ZNF81: variants seen among roughly 807,000 people sequenced by gnomAD.
ZNF81 encodes zinc finger protein 81 (HFZ20).
Under a neutral mutation model 32.3 loss-of-function variants are expected in ZNF81, and 5 were observed. The ratio of observed to expected loss-of-function variants is 0.15; its 90% CI spans 0.08 to 0.33. The LOEUF (loss-of-function observed/expected upper bound fraction) is 0.33. Ranked by LOEUF, ZNF81 falls within the 10% of genes least tolerant of loss-of-function variation. ZNF81 has a pLI of 1.00. For synonymous variants in ZNF81, 163 were observed against 166.8 expected, an observed-to-expected ratio of 0.98 and a Z score of 0.17; for missense variants, 379 against 479.8, an observed-to-expected ratio of 0.79 and a Z score of 1.96.
rs1169956022 is a variant in ZNF81 at position 47,917,057 on chromosome X, G to A, written c.*425G>A. On this transcript the variant is annotated 3_prime_UTR_variant, in exon 5 of 5. Transcript: ENST00000338637. The stretch of plus-strand genomic sequence containing the variant: ...GGTAGTGCAGCAAAATAATATAACT[G>A]GTGAGTAGACCTACTTTCAGTTCCA... The A allele has an allele frequency of 3.5e-6, 1 of 283,300 alleles. No homozygotes were observed. Among genetic ancestry groups the A allele is most frequent in the East Asian group, 4.9e-5 (1 of 20,229 alleles). 23.3% of individuals were successfully genotyped at this position (283,300 alleles called of 1,213,427 possible). A position where few individuals can be genotyped will look rare whatever the true frequency, so the allele number is the denominator to read the frequency against.
intron 2 of ZNF81, among the ~76,000 whole-genome samples, chrX:47,870,415 T>C (rs968596382): frequency 8.9e-6 from 1 of 112,456 alleles, no homozygotes; most frequent in Non-Finnish European, 1.9e-5. Flanking sequence ...TTTTAGACTT[T>C]GATTCATTTG....
intron 4 of ZNF81, among the ~76,000 whole-genome samples, chrX:47,907,757 T>C (rs782000438): frequency 8.9e-6 from 1 of 111,946 alleles, no homozygotes; most frequent in Admixed American, 9.5e-5. Context: ...TAAGAAAATA[T>C]TATGACCAAC....
At chrX:47,840,507 T>C (rs782421309) in intron 1 of ZNF81, among the ~76,000 whole-genome samples, 6 of 108,099 alleles carry the variant, frequency 5.6e-5, no homozygotes, top group South Asian at 8.2e-4. Context: ...CTTTTTCTTT[T>C]TTTTTTTTTT....
intron 1 of ZNF81, among the ~76,000 whole-genome samples, chrX:47,845,095 G>A (rs1360916220): frequency 2.7e-5 from 3 of 111,920 alleles, no homozygotes; most frequent in Non-Finnish European, 5.6e-5. Context: ...TTTCCCTCTT[G>A]TTTTGGTATA....
intron 1 of ZNF81, among the ~76,000 whole-genome samples, chrX:47,839,184 A>G (rs2058436889): frequency 8.9e-6 from 1 of 111,850 alleles, no homozygotes; most frequent in Admixed American, 9.5e-5. Context: ...TAGAATAAGT[A>G]CTAATTTTTA....
rs782531126 is a variant in ZNF81 at position 47,922,164 on chromosome X, A to G, written c.*5532A>G. 5 of 112,119 alleles carry G rather than the reference A, an allele frequency of 4.5e-5. No individual in the cohort carries two copies. The highest frequency in any genetic ancestry group is 1.6e-4 in the African/African-American group (5 of 30,888). The allele number at this position is 112,119 out of a possible 1,213,427, so 9.2% of individuals were successfully genotyped here. A position where few individuals can be genotyped will look rare whatever the true frequency, so the allele number is the denominator to read the frequency against. On this transcript the variant is annotated 3_prime_UTR_variant, in exon 5 of 5. Coordinates refer to ENST00000338637, the MANE Select transcript of ZNF81 (RefSeq NM_007137.5). ...TATTTATTGCATTTCTTCCTCCACT[A>G]TTCTTCTCTAACAGATGACCAATAC...
At chrX:47,882,528 G>A (rs2058625170) in intron 2 of ZNF81, among the ~76,000 whole-genome samples, 2 of 112,521 alleles carry the variant, frequency 1.8e-5, no homozygotes, top group Non-Finnish European at 3.7e-5. Flanking sequence ...ACATTCATGT[G>A]TTGATGAACA....
intron 2 of ZNF81, among the ~76,000 whole-genome samples, chrX:47,872,914 G>A (rs2058585784): frequency 9.0e-6 from 1 of 111,387 alleles, no homozygotes; most frequent in African/African-American, 3.3e-5. Context: ...AATTAAACCA[G>A]TATCATTATT....
At position 47,917,216 on chromosome X, in the gene ZNF81, A is replaced by G; in HGVS notation, c.*584A>G. 3.4e-6 allele frequency: 1 copy of G among 296,336 alleles called. No individual in the cohort carries two copies. The highest frequency in any genetic ancestry group is 5.9e-6 in the Non-Finnish European group (1 of 169,408). 24.4% of individuals were successfully genotyped at this position (296,336 alleles called of 1,213,427 possible). ...AATATGTTTCTTATTGAATATTTCT[A>G]TCAAGTGAATCCACAATTTAAAAGT... On this transcript the variant is annotated 3_prime_UTR_variant, in exon 5 of 5. Transcript: ENST00000338637.
chrX:47,856,671 G>A (rs782376350), intron 2 of ZNF81, among the ~76,000 whole-genome samples: 1 of 111,846 alleles, frequency 8.9e-6, no homozygotes, highest in African/African-American at 3.2e-5. Context: ...CCAGCCGGGC[G>A]CGGTGGCTCA....
Position 47,870,149 on chromosome X carries a change from T to A in ZNF81, c.55-17850T>A, listed in dbSNP as rs1051963680. Among the ~76,000 whole-genome samples, 4 of 112,139 alleles carry A rather than the reference T, an allele frequency of 3.6e-5. No individual in the cohort carries two copies. In the South Asian group the frequency reaches 1.5e-3, roughly 42 times the overall value. On this transcript the variant is annotated intron_variant, in intron 2 of 4. Transcript: ENST00000338637. ...ACTTCTTCCAGCAGGTCCATCCAGATCTTTATGACTTTATATCTTAGGGTT... is the reference window on the plus strand; with the variant it reads ...ACTTCTTCCAGCAGGTCCATCCAGAACTTTATGACTTTATATCTTAGGGTT...
intron 2 of ZNF81, among the ~76,000 whole-genome samples, chrX:47,854,905 C>T (rs782001157): frequency 1.8e-5 from 2 of 110,858 alleles, no homozygotes; most frequent in South Asian, 3.8e-4. Context: ...ACCAGCCTGG[C>T]CAAGATGGTG....
Position 47,905,304 on chromosome X carries a change from G to A in ZNF81, c.277+9364G>A, listed in dbSNP as rs868910563. ...CGGGTGCCTGTAATCCCAGCTGCTC[G>A]AGAGGCTGAGACAGGAGAATCACTT... On this transcript the variant is annotated intron_variant, in intron 4 of 4. Coordinates refer to ENST00000338637, the MANE Select transcript of ZNF81 (RefSeq NM_007137.5). Among the ~76,000 whole-genome samples the A allele has an allele frequency of 3.0e-3, 311 of 104,017 alleles. 2 individuals are homozygous for A. Among genetic ancestry groups the A allele is most frequent in the African/African-American group, 0.01 (290 of 28,465 alleles). 90.3% of individuals were successfully genotyped at this position (104,017 alleles called of 115,157 possible).
chrX:47,869,989 C>A (rs782455699), intron 2 of ZNF81, among the ~76,000 whole-genome samples: 91 of 111,769 alleles, frequency 8.1e-4, no homozygotes, highest in Middle Eastern at 4.6e-3. Context: ...GCCACCACAC[C>A]TGGCCCAACT....
At chrX:47,857,706 AATCTGCCCTT>A (rs1306213797) in intron 2 of ZNF81, among the ~76,000 whole-genome samples, 2 of 111,268 alleles carry the variant, frequency 1.8e-5, no homozygotes, top group African/African-American at 6.5e-5. Flanking sequence ...CATCTGAAAA[AATCTGCCCTT>A]GACCCCTTAT....
intron 2 of ZNF81, among the ~76,000 whole-genome samples, chrX:47,849,143 C>A (rs1454795023): frequency 9.0e-6 from 1 of 111,391 alleles, no homozygotes; most frequent in African/African-American, 3.3e-5. Context: ...ATGTGTATAC[C>A]CTCTCTTAAA....
At chrX:47,843,466 T>TCACAC (rs1556880055) in intron 1 of ZNF81, among the ~76,000 whole-genome samples, 3 of 106,037 alleles carry the variant, frequency 2.8e-5, no homozygotes, top group African/African-American at 1.0e-4. Flanking sequence ...CACACACACA[T>TCACAC]TCTTGACTCC....
At chrX:47,841,221 C>A in intron 1 of ZNF81, 1 of 745,921 alleles carries the variant, frequency 1.3e-6, no homozygotes, top group Non-Finnish European at 2.1e-6. Context: ...TGGTCTTATT[C>A]TTGACCTTGG....
intron 3 of ZNF81, 88 bp downstream of exon 3, chrX:47,888,213 C>T (rs782633099): frequency 1.3e-4 from 144 of 1,097,239 alleles, no homozygotes; most frequent in Middle Eastern, 6.3e-4. Flanking sequence ...TCCTAATACC[C>T]CAGCCCCCCA....
Sources: gnomAD v4.1 joint callset for allele counts (sites outside exome capture counted in the v4.1 genomes callset) on GRCh38, gnomAD v4.1.1 for gene constraint, MANE v1.5 for transcripts, NCBI Gene and HGNC (gene_info 2026-07-23, HGNC 2026-07-21) for gene names.